The following CFAP70 variants were observed in gnomAD, a reference collection of about 807,000 sequenced individuals.
CFAP70 encodes cilia- and flagella-associated protein 70.
In CFAP70, 81 loss-of-function variants were observed where a neutral mutation model predicts 137.6. The ratio of observed to expected loss-of-function variants is 0.59; its 90% CI spans 0.49 to 0.71. The LOEUF (loss-of-function observed/expected upper bound fraction) is 0.71, where lower values mean the gene tolerates loss of function less well. Among genes scored for constraint, CFAP70 ranks in the 30% least tolerant of loss-of-function variants. The probability of loss-of-function intolerance (pLI) is 0.00; values close to 1 mark genes in which losing one functional copy is unlikely to be tolerated. For synonymous variants in CFAP70, 382 were observed against 423.6 expected, an observed-to-expected ratio of 0.90 and a Z score of 1.20; for missense variants, 976 against 1,226.7, an observed-to-expected ratio of 0.80 and a Z score of 3.05.
In CFAP70 at chr10:73,293,405, T is replaced by C. The variant is rs753241299; in HGVS notation, c.1645-17A>G. ...TGGCATGGTCTTGTCAATGTCAAGA[T>C]GTTAGGTAGACAAAAATGAAACAAT... On this transcript the variant is annotated splice_polypyrimidine_tract_variant and intron_variant, in intron 15 of 26. Coordinates refer to ENST00000310715, the Ensembl canonical transcript of CFAP70. The C allele has an allele frequency of 6.4e-7, 1 of 1,562,876 alleles. No homozygotes were observed. The highest frequency in any genetic ancestry group is 8.6e-7 in the Non-Finnish European group (1 of 1,156,698).
chr10:73,362,881 T>C (rs1834217958), upstream of CFAP70, among the ~76,000 whole-genome samples: 1 of 151,834 alleles, frequency 6.6e-6, no homozygotes, highest in African/African-American at 2.4e-5. Flanking sequence ...CGTGTCCTCA[T>C]TCAGTATGTT....
intron 19 of CFAP70, among the ~76,000 whole-genome samples, chr10:73,284,739 CATATATATATATATATAT>C (rs539417737): frequency 1.9e-3 from 51 of 27,464 alleles, no homozygotes; most frequent in Admixed American, 4.2e-3. Context: ...TGACCTGCCA[CATATATATATATATATAT>C]ATATATATAT....
upstream of CFAP70, among the ~76,000 whole-genome samples, chr10:73,359,678 T>C (rs1363702121): frequency 3.3e-5 from 5 of 152,200 alleles, no homozygotes; most frequent in East Asian, 1.9e-4. Flanking sequence ...CTGAGGAGGA[T>C]GACTCAGGCA....
At chr10:73,293,572 G>A in intron 15 of CFAP70, 184 bp from the exon 17 acceptor site, 1 of 471,656 alleles carries the variant, frequency 2.1e-6, no homozygotes, top group Non-Finnish European at 3.7e-6. Flanking sequence ...AATGTCAAGG[G>A]TGAAGGAGAA....
exon 26 of CFAP70, chr10:73,256,416 C>T (rs138633990): frequency 2.0e-5 from 32 of 1,613,814 alleles, no homozygotes; most frequent in Non-Finnish European, 2.6e-5. Context: ...TGCCGTCCAA[C>T]CTGAAAAAAG....
intron 9 of CFAP70, among the ~76,000 whole-genome samples, chr10:73,316,509 T>TAG (rs1284715253): frequency 6.9e-6 from 1 of 144,596 alleles, no homozygotes; most frequent in African/African-American, 2.6e-5. Flanking sequence ...TATATATATA[T>TAG]ATATGACGTA....
chr10:73,284,423 A>G (rs1338790277), intron 19 of CFAP70, among the ~76,000 whole-genome samples: 7 of 152,094 alleles, frequency 4.6e-5, no homozygotes, highest in African/African-American at 1.7e-4. Flanking sequence ...CTTTTGCTAT[A>G]TAAGGCAACA....
At chr10:73,289,536 G>A (rs1400263554) in intron 19 of CFAP70, among the ~76,000 whole-genome samples, 9 of 151,694 alleles carry the variant, frequency 5.9e-5, no homozygotes, top group African/African-American at 2.2e-4. Context: ...CGCCTGCCTC[G>A]GCCTCCCAGA....
intron 7 of CFAP70, 152 bp downstream of exon 8, chr10:73,335,278 A>C (rs2052536265): frequency 4.3e-6 from 2 of 466,472 alleles, no homozygotes; most frequent in Non-Finnish European, 7.6e-6. Flanking sequence ...GCAGATGAAC[A>C]CAACATCACT....
intron 16 of CFAP70, among the ~76,000 whole-genome samples, chr10:73,293,001 A>T (rs1036680666): frequency 1.3e-5 from 2 of 152,148 alleles, no homozygotes; most frequent in African/African-American, 4.8e-5. Flanking sequence ...TGAGTTTTGT[A>T]AAATGTTTAA....
chr10:73,335,903 G>A (rs2052602101), intron 6 of CFAP70, among the ~76,000 whole-genome samples: 1 of 151,256 alleles, frequency 6.6e-6, no homozygotes, highest in South Asian at 2.1e-4. Context: ...CACTTTAGGA[G>A]GCCAAGGCAG....
chr10:73,276,994 CT>C (rs3841207), intron 21 of CFAP70: 31,920 of 327,342 alleles, frequency 0.098, 2,385 homozygotes, highest in East Asian at 0.29. Flanking sequence ...CAACATATGC[CT>C]TTAGAGTCTG....
chr10:73,331,256 T>G, exon 8 of CFAP70: 1 of 1,613,370 alleles, frequency 6.2e-7, no homozygotes. Flanking sequence ...AAGCCGGCAA[T>G]CGGCAATTCG....
chr10:73,316,495 T>TATATATATATATAGATATAG (rs2050384918), intron 9 of CFAP70, among the ~76,000 whole-genome samples: 1 of 132,708 alleles, frequency 7.5e-6, no homozygotes, highest in Non-Finnish European at 1.6e-5. Context: ...TAGATATATA[T>TATATATATATATAGATATAG]ATATATATAT....
At chr10:73,284,193 C>A (rs1255372667) in intron 19 of CFAP70, among the ~76,000 whole-genome samples, 1 of 152,150 alleles carries the variant, frequency 6.6e-6, no homozygotes, top group African/African-American at 2.4e-5. Flanking sequence ...ACCTATATAC[C>A]TTGGTTTGTA....
At chr10:73,359,125 A>G (rs754142117), upstream of CFAP70, among the ~76,000 whole-genome samples, 94 of 152,386 alleles carry the variant, frequency 6.2e-4, no homozygotes, top group Non-Finnish European at 7.3e-5. Flanking sequence ...TTTTTAAATG[A>G]GCCCGTCACG....
chr10:73,262,967 G>T (rs2045409547), intron 25 of CFAP70, among the ~76,000 whole-genome samples: 1 of 152,054 alleles, frequency 6.6e-6, no homozygotes, highest in South Asian at 2.1e-4. Flanking sequence ...TAAAATCAAG[G>T]ATATTCTCCT....
intron 25 of CFAP70, among the ~76,000 whole-genome samples, chr10:73,258,291 C>A (rs1250968804): frequency 6.6e-6 from 1 of 152,160 alleles, no homozygotes; most frequent in Non-Finnish European, 1.5e-5. Context: ...ATTAGTTCCC[C>A]AAATTAATAC....
chr10:73,272,878 T>C, intron 24 of CFAP70, 50 bp downstream of exon 25: 1 of 1,489,292 alleles, frequency 6.7e-7, no homozygotes, highest in Non-Finnish European at 9.2e-7. Flanking sequence ...GGCCAAGGAA[T>C]CAAGGTCAGC....
Sources: allele counts gnomAD v4.1 joint callset (sites outside exome capture counted in the v4.1 genomes callset), GRCh38; gene constraint gnomAD v4.1.1; transcripts MANE v1.5; gene names NCBI Gene and HGNC (gene_info 2026-07-23, HGNC 2026-07-21).